DNAJC1: variants seen among roughly 807,000 people sequenced by gnomAD.
DNAJC1 encodes the protein DnaJ heat shock protein family (Hsp40) member C1.
Under a neutral mutation model 76.6 loss-of-function variants are expected in DNAJC1, and 58 were observed. That is an observed-to-expected ratio of 0.76 (90% CI 0.61 to 0.94). The LOEUF (loss-of-function observed/expected upper bound fraction) is 0.94. DNAJC1 is among the 40% of genes least tolerant of loss of function. The pLI, the probability that DNAJC1 is intolerant of heterozygous loss-of-function variation, is 0.00. For missense variants in DNAJC1, 689 were observed against 677.3 expected (o/e 1.02, Z -0.19); for synonymous variants, 258 against 267.9 (o/e 0.96, Z 0.36).
chr10:21,996,840 A>G (rs944583072), intron 1 of DNAJC1, among the ~76,000 whole-genome samples: 1 of 152,242 alleles, frequency 6.6e-6, no homozygotes, highest in Admixed American at 6.5e-5. Context: ...GAGTGTGTAC[A>G]TAAGAAAACT....
intron 1 of DNAJC1, among the ~76,000 whole-genome samples, chr10:21,946,476 C>A (rs778059663): frequency 6.6e-6 from 1 of 151,972 alleles, no homozygotes; most frequent in Non-Finnish European, 1.5e-5. Context: ...GATAATGTAT[C>A]TTTATAAATA....
chr10:21,977,198 T>C (rs1425570639), intron 1 of DNAJC1, among the ~76,000 whole-genome samples: 1 of 151,918 alleles, frequency 6.6e-6, no homozygotes, highest in African/African-American at 2.4e-5. Flanking sequence ...CAGAACAACA[T>C]TCAAGACCTT....
At chr10:21,999,529 C>G (rs1838482238) in intron 1 of DNAJC1, among the ~76,000 whole-genome samples, 1 of 139,802 alleles carries the variant, frequency 7.2e-6, no homozygotes, top group South Asian at 2.3e-4. Flanking sequence ...AATCTTGGCT[C>G]ACTGCAACCT....
At chr10:21,911,078 AGGAAGGAAGGCG>A (rs761511178) in intron 6 of DNAJC1, among the ~76,000 whole-genome samples, 77 of 95,214 alleles carry the variant, frequency 8.1e-4, no homozygotes, top group Non-Finnish European at 1.2e-3. Context: ...GAAGGAAGGA[AGGAAGGAAGGCG>A]GGAAGGCGGG....
intron 1 of DNAJC1, among the ~76,000 whole-genome samples, chr10:22,001,220 T>C (rs1207316485): frequency 6.6e-6 from 1 of 152,198 alleles, no homozygotes; most frequent in Non-Finnish European, 1.5e-5. Context: ...CCTACTTTGT[T>C]CTGGTCCCTC....
chr10:21,831,382 C>CAGAATT (rs143987256), intron 8 of DNAJC1, among the ~76,000 whole-genome samples: 1 of 152,306 alleles, frequency 6.6e-6, no homozygotes, highest in East Asian at 1.9e-4. Context: ...TCTGTGGTGT[C>CAGAATT]AGTTTCTGCT....
intron 9 of DNAJC1, among the ~76,000 whole-genome samples, chr10:21,782,234 T>A (rs1448685483): frequency 6.6e-6 from 1 of 152,050 alleles, no homozygotes; most frequent in Non-Finnish European, 1.5e-5. Context: ...AGAGAAATAC[T>A]AACTACCATC....
At chr10:21,769,843 C>T (rs949492289) in intron 9 of DNAJC1, among the ~76,000 whole-genome samples, 6 of 152,026 alleles carry the variant, frequency 3.9e-5, no homozygotes, top group South Asian at 4.2e-4. Context: ...TGAGCCACCA[C>T]GCCAGGCTAA....
At chr10:21,892,802 T>G (rs922773717) in intron 7 of DNAJC1, among the ~76,000 whole-genome samples, 2 of 151,976 alleles carry the variant, frequency 1.3e-5, no homozygotes, top group Admixed American at 6.6e-5. Flanking sequence ...AGAGAGACAT[T>G]ATATAATGAT....
intron 9 of DNAJC1, among the ~76,000 whole-genome samples, chr10:21,788,794 C>A (rs915128000): frequency 1.3e-5 from 2 of 152,174 alleles, no homozygotes; most frequent in African/African-American, 4.8e-5. Context: ...TAGGCTCAAA[C>A]CTCCAGAGCA....
intron 9 of DNAJC1, among the ~76,000 whole-genome samples, chr10:21,789,422 A>G (rs1033372893): frequency 4.6e-4 from 70 of 152,268 alleles, no homozygotes; most frequent in African/African-American, 1.7e-3. Flanking sequence ...GGAAGAGGCT[A>G]TTGTTTCACA....
intron 8 of DNAJC1, among the ~76,000 whole-genome samples, chr10:21,830,691 C>A (rs1313386679): frequency 1.3e-5 from 2 of 152,084 alleles, no homozygotes; most frequent in African/African-American, 2.4e-5. Context: ...TTCTTTCTTT[C>A]TGAAATGTAT....
intron 6 of DNAJC1, among the ~76,000 whole-genome samples, chr10:21,912,618 T>C (rs1357364319): frequency 1.3e-5 from 2 of 152,118 alleles, no homozygotes; most frequent in African/African-American, 4.8e-5. Flanking sequence ...GGTTTCTGTA[T>C]GTGTGTGTGT....
chr10:21,766,938 C>T (rs1409411575), intron 9 of DNAJC1, among the ~76,000 whole-genome samples: 1 of 149,704 alleles, frequency 6.7e-6, no homozygotes, highest in African/African-American at 2.5e-5. Context: ...CCACTGCACT[C>T]CAGCCTGGGC....
chr10:21,958,141 A>C (rs968186060), intron 1 of DNAJC1, among the ~76,000 whole-genome samples: 8 of 152,220 alleles, frequency 5.3e-5, no homozygotes, highest in African/African-American at 1.9e-4. Flanking sequence ...TAGAAACCTG[A>C]AACTAAAACT....
chr10:21,936,926 C>T (rs1442288497), intron 1 of DNAJC1, among the ~76,000 whole-genome samples: 1 of 151,994 alleles, frequency 6.6e-6, no homozygotes, highest in Non-Finnish European at 1.5e-5. Flanking sequence ...GTAAGTCATT[C>T]CTTATCTGTA....
Position 21,928,917 on chromosome 10 carries a change from CTAT to C in DNAJC1, c.324+120_324+122del, listed in dbSNP as rs780954738. 1.9e-3 allele frequency: 1,138 copies of C among 596,680 alleles called. 3 individuals are homozygous for C. The highest frequency in any genetic ancestry group is 2.0e-3 in the Non-Finnish European group (735 of 376,548). 37.0% of individuals were successfully genotyped at this position (596,680 alleles called of 1,614,324 possible). A position where few individuals can be genotyped will look rare whatever the true frequency, so the allele number is the denominator to read the frequency against. Reference sequence around the variant, plus strand: ...GTAGAAACTTGAAAAAAAATATACACTATATTTTAAACTACTACCTCATTTTCA... The same window carrying C: ...GTAGAAACTTGAAAAAAAATATACACATTTTAAACTACTACCTCATTTTCA... On this transcript the variant is annotated intron_variant, in intron 2 of 11. Transcript: ENST00000376980.
At position 21,793,559 on chromosome 10, in the gene DNAJC1, A is replaced by G. The variant is rs187267888; in HGVS notation, c.1098+12421T>C. On this transcript the variant is annotated intron_variant, in intron 9 of 11. Coordinates refer to ENST00000376980, the MANE Select transcript of DNAJC1 (RefSeq NM_022365.4). ...TATCCACAGAACTATTAAACTATCA[A>G]TGTTAGTTAAGTCCACAGGCTCCAA... is the stretch of plus-strand genomic sequence containing the variant. 2.2e-3 allele frequency among the ~76,000 whole-genome samples: 341 copies of G among 152,332 alleles called. 3 individuals carry two copies. Among genetic ancestry groups the G allele is most frequent in the African/African-American group, 7.8e-3 (325 of 41,584 alleles).
chr10:21,769,996 A>G (rs1834354600), intron 9 of DNAJC1, among the ~76,000 whole-genome samples: 1 of 152,046 alleles, frequency 6.6e-6, no homozygotes, highest in Non-Finnish European at 1.5e-5. Context: ...TAAACTCATC[A>G]GTTTTTCCAA....
Sources: gnomAD v4.1 joint callset for allele counts (sites outside exome capture counted in the v4.1 genomes callset) on GRCh38, gnomAD v4.1.1 for gene constraint, MANE v1.5 for transcripts, NCBI Gene and HGNC (gene_info 2026-07-23, HGNC 2026-07-21) for gene names.